Variants in UBE2D4 observed in about 807,000 individuals in gnomAD.
The protein encoded by UBE2D4 is ubiquitin conjugating enzyme E2 D4.
Under a neutral mutation model 23.0 loss-of-function variants are expected in UBE2D4, and 17 were observed. The observed-to-expected ratio is 0.74, with a 90% CI of 0.51 to 1.11. The LOEUF (loss-of-function observed/expected upper bound fraction) is 1.11, where lower values mean the gene tolerates loss of function less well. Ranked by LOEUF, UBE2D4 falls within the 50% of genes least tolerant of loss-of-function variation. The pLI, the probability that UBE2D4 is intolerant of heterozygous loss-of-function variation, is 0.00. For synonymous variants in UBE2D4, 61 were observed against 69.4 expected, an observed-to-expected ratio of 0.88 and a Z score of 0.60; for missense variants, 139 against 181.8, an observed-to-expected ratio of 0.76 and a Z score of 1.35.
chr7:43,937,582 C>T (rs1348022470), intron 1 of UBE2D4, among the ~76,000 whole-genome samples: 4 of 152,168 alleles, frequency 2.6e-5, no homozygotes, highest in South Asian at 4.1e-4. Flanking sequence ...GATCAACCCT[C>T]GGGGAGAAAA....
intron 2 of UBE2D4, among the ~76,000 whole-genome samples, chr7:43,939,391 G>A (rs760755156): frequency 6.6e-6 from 1 of 152,252 alleles, no homozygotes; most frequent in Admixed American, 6.5e-5. Context: ...GGTGCTGGCC[G>A]AGGCTGAGCT....
In UBE2D4 at chr7:43,926,504, G is replaced by T. The variant is rs758158394; in HGVS notation, c.-29G>T. On this transcript the variant is annotated 5_prime_UTR_variant, in exon 1 of 7. Transcript: ENST00000222402. ...GGCCGCCTCAGGCAGCCCCGGCCGG[G>T]CCGCCCGGGTCCCCGGCAGCGGGGT... is the stretch of plus-strand genomic sequence containing the variant. 7.3e-6 allele frequency: 11 copies of T among 1,510,362 alleles called. No homozygotes were observed. The highest frequency in any genetic ancestry group is 5.3e-6 in the Non-Finnish European group (6 of 1,129,736). 93.6% of individuals were successfully genotyped at this position (1,510,362 alleles called of 1,614,324 possible).
chr7:43,939,089 G>T (rs1404976170), intron 2 of UBE2D4, among the ~76,000 whole-genome samples: 1 of 152,176 alleles, frequency 6.6e-6, no homozygotes, highest in Non-Finnish European at 1.5e-5. Context: ...ATCAGCTGCT[G>T]GAAAGTGCCC....
intron 1 of UBE2D4, among the ~76,000 whole-genome samples, chr7:43,936,332 A>G (rs2095958658): frequency 6.6e-6 from 1 of 152,320 alleles, no homozygotes; most frequent in East Asian, 1.9e-4. Flanking sequence ...CCGTAAAGGA[A>G]TAACTGAGTG....
At chr7:43,934,297 GT>G in intron 1 of UBE2D4, among the ~76,000 whole-genome samples, 1 of 152,166 alleles carries the variant, frequency 6.6e-6, no homozygotes, top group Non-Finnish European at 1.5e-5. Flanking sequence ...TCCAGGAAGA[GT>G]AGTAGAGGAC....
intron 1 of UBE2D4, among the ~76,000 whole-genome samples, chr7:43,934,453 C>CTTTTTTT (rs36122809): frequency 2.8e-5 from 4 of 142,238 alleles, no homozygotes; most frequent in Non-Finnish European, 4.6e-5. Flanking sequence ...CTTGTTTTTC[C>CTTTTTTT]TTTTTTTTTT....
chr7:43,950,499 TG>T (rs2095999762), intron 5 of UBE2D4, 99 bp from the exon 6 acceptor site: 1 of 869,916 alleles, frequency 1.1e-6, no homozygotes, highest in African/African-American at 1.7e-5. Context: ...GGAAGACAAC[TG>T]CTTGGTCAAA....
chr7:43,931,782 TC>T (rs2095946215), intron 1 of UBE2D4, among the ~76,000 whole-genome samples: 1 of 152,108 alleles, frequency 6.6e-6, no homozygotes, highest in South Asian at 2.1e-4. Flanking sequence ...CACTGCAGCC[TC>T]CGTCTCTCTG....
At chr7:43,933,717 C>T (rs1195904034) in intron 1 of UBE2D4, among the ~76,000 whole-genome samples, 1 of 152,124 alleles carries the variant, frequency 6.6e-6, no homozygotes, top group Non-Finnish European at 1.5e-5. Flanking sequence ...GTACTCCAGT[C>T]TGGGCAACAC....
At chr7:43,952,341 T>C in intron 6 of UBE2D4, 1 of 315,686 alleles carries the variant, frequency 3.2e-6, no homozygotes, top group East Asian at 6.6e-5. Flanking sequence ...CCTCCCTGCA[T>C]CCATATTGTA....
At chr7:43,937,824 C>G (rs1246620778) in intron 1 of UBE2D4, among the ~76,000 whole-genome samples, 1 of 151,282 alleles carries the variant, frequency 6.6e-6, no homozygotes, top group Non-Finnish European at 1.5e-5. Flanking sequence ...GTGGTATAAT[C>G]CCTGATCCCC....
Position 43,938,474 on chromosome 7 carries a change from C to T in UBE2D4, c.68C>T (p.Ala23Val), listed in dbSNP as rs149793515. 1.2e-6 allele frequency: 2 copies of T among 1,614,110 alleles called. No individual in the cohort carries two copies. Among genetic ancestry groups the T allele is most frequent in the Non-Finnish European group, 1.7e-6 (2 of 1,179,982 alleles). Residue 23 changes from alanine (A) to valine (V), a missense_variant, in exon 2 of 7, where the codon GCA (alanine) becomes GTA (valine). By Grantham distance (64) the Ala-to-Val change is moderately conservative. Transcript: ENST00000222402. ...LQRDPPAQCS[A>V]GPVGDDLFHW... ...AGGGATCCTCCTGCCCAGTGTTCTG[C>T]AGGACCTGTCGGTGATGACTGTAAG...
chr7:43,943,027 C>T lies in UBE2D4; in HGVS notation c.194C>T (p.Pro65Leu). Reference protein sequence around the residue: ...HFPTDYPFKPPKVAFTTKIYH... With the variant: ...HFPTDYPFKPLKVAFTTKIYH... Reference sequence around the variant, plus strand: ...CCTACAGATTACCCGTTCAAGCCCCCAAAGGTGAGGTCCCTCTCCCAACTC... The same window carrying T: ...CCTACAGATTACCCGTTCAAGCCCCTAAAGGTGAGGTCCCTCTCCCAACTC... The change falls in exon 4 of 7, where the codon CCA (proline) becomes CTA (leucine). Residue 65 changes from proline (P) to leucine (L), a missense_variant. Coordinates refer to ENST00000222402, the MANE Select transcript of UBE2D4 (RefSeq NM_015983.4). 1.2e-6 allele frequency: 2 copies of T among 1,614,110 alleles called. No individual in the cohort carries two copies. The highest frequency in any genetic ancestry group is 1.7e-6 in the Non-Finnish European group (2 of 1,180,004).
At chr7:43,943,447 G>C (rs2095978129) in intron 4 of UBE2D4, 1 of 249,278 alleles carries the variant, frequency 4.0e-6, no homozygotes, top group Non-Finnish European at 7.8e-6. Context: ...TGGTGAGGGA[G>C]TACTACTGGT....
chr7:43,934,858 T>C (rs574287184), intron 1 of UBE2D4, among the ~76,000 whole-genome samples: 150 of 152,342 alleles, frequency 9.8e-4, no homozygotes, highest in African/African-American at 3.5e-3. Flanking sequence ...TTACAATGCA[T>C]AACTGCTCTA....
At chr7:43,936,090 C>T (rs1449489071) in intron 1 of UBE2D4, among the ~76,000 whole-genome samples, 1 of 152,216 alleles carries the variant, frequency 6.6e-6, no homozygotes, top group Non-Finnish European at 1.5e-5. Flanking sequence ...CCAAACTGGT[C>T]TCGAACTCCT....
chr7:43,928,499 T>G (rs1239855727), intron 1 of UBE2D4, among the ~76,000 whole-genome samples: 1 of 151,996 alleles, frequency 6.6e-6, no homozygotes, highest in African/African-American at 2.4e-5. Flanking sequence ...GGGTCATCTG[T>G]CATCCTAGGA....
Position 43,943,286 on chromosome 7 carries a change from A to T in UBE2D4, c.198+255A>T, listed in dbSNP as rs936485853. On this transcript the variant is annotated intron_variant, in intron 4 of 6. Transcript: ENST00000222402. ...CACAGTTTGAATGCTTCTCCTTGTG[A>T]CTGTAGCTGAGTCTGGTCATGTCTC... is the stretch of plus-strand genomic sequence containing the variant. The T allele has an allele frequency of 2.1e-5, 12 of 580,422 alleles. No homozygotes were observed. In the African/African-American group the frequency reaches 2.2e-4, roughly 11 times the overall value. The allele number at this position is 580,422 out of a possible 1,614,324, so 36.0% of individuals were successfully genotyped here.
intron 1 of UBE2D4, among the ~76,000 whole-genome samples, chr7:43,927,590 C>T (rs1233965669): frequency 6.6e-6 from 1 of 152,150 alleles, no homozygotes; most frequent in Non-Finnish European, 1.5e-5. Context: ...CAACGTGAGA[C>T]ACCATGCCCA....
Sources: allele counts gnomAD v4.1 joint callset (sites outside exome capture counted in the v4.1 genomes callset), GRCh38; gene constraint gnomAD v4.1.1; transcripts MANE v1.5; gene names NCBI Gene and HGNC (gene_info 2026-07-23, HGNC 2026-07-21).